WDR17: variants seen among roughly 807,000 people sequenced by gnomAD.
WDR17 encodes WD repeat-containing protein 17.
In WDR17, 143 loss-of-function variants were observed where a neutral mutation model predicts 161.7. The ratio of observed to expected loss-of-function variants is 0.88; its 90% CI spans 0.77 to 1.02. WDR17 has a LOEUF of 1.02. Among genes scored for constraint, WDR17 ranks in the 50% least tolerant of loss-of-function variants. The pLI is 0.00. For synonymous variants in WDR17, 517 were observed against 515.6 expected, an observed-to-expected ratio of 1.00 and a Z score of -0.04; for missense variants, 1,469 against 1,520.9, an observed-to-expected ratio of 0.97 and a Z score of 0.57.
At chr4:176,134,015 T>G (rs78713672) in intron 7 of WDR17, among the ~76,000 whole-genome samples, 1 of 151,714 alleles carries the variant, frequency 6.6e-6, no homozygotes, top group Non-Finnish European at 1.5e-5. Flanking sequence ...TGCATGTAAG[T>G]CCCTGCCTGG....
intron 1 of WDR17, among the ~76,000 whole-genome samples, chr4:176,087,103 T>C (rs1320043941): frequency 6.6e-6 from 1 of 151,984 alleles, no homozygotes; most frequent in East Asian, 1.9e-4. Context: ...TTTTGTATAG[T>C]TAATATTTAT....
intron 16 of WDR17, among the ~76,000 whole-genome samples, chr4:176,150,823 A>G (rs1746994447): frequency 6.6e-6 from 1 of 152,138 alleles, no homozygotes; most frequent in Non-Finnish European, 1.5e-5. Flanking sequence ...CTTCAAGGTC[A>G]CTCGGAACTC....
rs1473902141 is a variant in WDR17, at chr4:176,180,272, G to A, written c.*693G>A. 1.3e-5 allele frequency: 2 copies of A among 151,658 alleles called. No individual in the cohort carries two copies. Among genetic ancestry groups the A allele is most frequent in the African/African-American group, 4.8e-5 (2 of 41,296 alleles). The allele number at this position is 151,658 out of a possible 1,614,324, so 9.4% of individuals were successfully genotyped here. A position where few individuals can be genotyped will look rare whatever the true frequency, so the allele number is the denominator to read the frequency against. Reference sequence around the variant, plus strand: ...TGGCGGGTAAAAATCACAAAATGCAGTCGAATATATATATGAAAACTTGCA... The same window carrying A: ...TGGCGGGTAAAAATCACAAAATGCAATCGAATATATATATGAAAACTTGCA... On this transcript the variant is annotated 3_prime_UTR_variant, in exon 29 of 29. Transcript: ENST00000508596.
At chr4:176,144,409 C>G (rs534035355) in intron 11 of WDR17, among the ~76,000 whole-genome samples, 1 of 152,306 alleles carries the variant, frequency 6.6e-6, no homozygotes, top group African/African-American at 2.4e-5. Flanking sequence ...CACTCAGTTG[C>G]TGACCCTCAC....
At chr4:176,089,701 C>G (rs931049936) in intron 1 of WDR17, among the ~76,000 whole-genome samples, 3 of 152,006 alleles carry the variant, frequency 2.0e-5, no homozygotes, top group Non-Finnish European at 2.9e-5. Context: ...TTTGCATTTC[C>G]TCAAACAGTG....
rs1316525060 is a variant in WDR17, at chr4:176,161,692, A to G, written c.2751-383A>G. Among the ~76,000 whole-genome samples the G allele has an allele frequency of 2.0e-5, 3 of 152,186 alleles. No homozygotes were observed. The East Asian group carries it at 5.8e-4, about 29-fold the overall frequency. ...TACTGCCATTCTCTGCCATTTCTAA[A>G]TTTGACATTTTAAAAAGCTAACACA... is the stretch of plus-strand genomic sequence containing the variant. On this transcript the variant is annotated intron_variant, in intron 20 of 28. Transcript: ENST00000508596.
At chr4:176,111,121 A>C (rs1739660108) in intron 1 of WDR17, 1 of 152,324 alleles carries the variant, frequency 6.6e-6, no homozygotes, top group South Asian at 2.1e-4. Context: ...CAGTGTTTTA[A>C]ATTTAAACGT....
chr4:176,135,084 G>T lies in WDR17; in HGVS notation c.1099-24G>T, dbSNP rs749947587. Reference sequence around the variant, plus strand: ...AATGTGAATTTTCCTCAATAATTATGACTTTTTTATGCCATATTCCTAGGG... The same window carrying T: ...AATGTGAATTTTCCTCAATAATTATTACTTTTTTATGCCATATTCCTAGGG... On this transcript the variant is annotated intron_variant, in intron 7 of 28. Coordinates refer to ENST00000508596, the MANE Select transcript of WDR17 (RefSeq NM_181265.4). 5 of 1,606,744 alleles carry T rather than the reference G, an allele frequency of 3.1e-6. No individual in the cohort carries two copies. In the South Asian group the frequency reaches 4.4e-5, roughly 14 times the overall value.
intron 22 of WDR17, among the ~76,000 whole-genome samples, chr4:176,164,057 G>A (rs1039214979): frequency 2.0e-5 from 3 of 152,142 alleles, no homozygotes; most frequent in African/African-American, 4.8e-5. Flanking sequence ...CCCTGGAGGT[G>A]GAGCTATACA....
intron 4 of WDR17, among the ~76,000 whole-genome samples, chr4:176,120,318 A>G (rs2126721912): frequency 7.2e-6 from 1 of 138,854 alleles, no homozygotes; most frequent in East Asian, 2.1e-4. Flanking sequence ...ATATATATAT[A>G]TAATACATTC....
intron 14 of WDR17, 22 bp from the exon 15 acceptor site, chr4:176,150,021 C>G (rs1161138612): frequency 6.2e-7 from 1 of 1,611,564 alleles, no homozygotes; most frequent in Non-Finnish European, 8.5e-7. Context: ...TCTTTTCTCA[C>G]TGAATTATGT....
intron 1 of WDR17, among the ~76,000 whole-genome samples, chr4:176,071,980 CT>C (rs961931962): frequency 2.6e-5 from 4 of 152,290 alleles, no homozygotes; most frequent in East Asian, 1.9e-4. Context: ...GGAATTCATA[CT>C]GGTATAAGTG....
chr4:176,097,720 T>TAA (rs1406553895), intron 1 of WDR17, among the ~76,000 whole-genome samples: 16 of 129,976 alleles, frequency 1.2e-4, no homozygotes, highest in African/African-American at 3.6e-4. Context: ...AAGCCCCACT[T>TAA]ACACACACAC....
chr4:176,175,538 A>ATTTGTTTG lies in WDR17; in HGVS notation c.3449+848_3449+855dup, dbSNP rs146325115. Among the ~76,000 whole-genome samples, 1,072 of 150,152 alleles carry ATTTGTTTG rather than the reference A, an allele frequency of 7.1e-3. 2 individuals are homozygous for ATTTGTTTG. The highest frequency in any genetic ancestry group is 0.014 in the Middle Eastern group (4 of 294). On this transcript the variant is annotated intron_variant, in intron 26 of 28. Transcript: ENST00000508596. Reference sequence around the variant, plus strand: ...AGGGTCCGTGGTTAAGCAGTCTTTTATTTGTTTGTTTGTTTGTTTGTTTGT... The same window carrying ATTTGTTTG: ...AGGGTCCGTGGTTAAGCAGTCTTTTATTTGTTTGTTTGTTTGTTTGTTTGTTTGTTTGT...
rs1313540515 is a variant in WDR17 at position 176,111,672 on chromosome 4, A to T, written c.92A>T (p.Tyr31Phe). Residue 31 changes from tyrosine to phenylalanine, a missense_variant, in exon 2 of 29, where the codon TAT (tyrosine) becomes TTT (phenylalanine). By Grantham distance (22) the Tyr-to-Phe change is conservative (BLOSUM62 3). Coordinates refer to ENST00000508596, the MANE Select transcript of WDR17 (RefSeq NM_181265.4). ...VCAASGDRFAYCATLAIYIYQ... is the reference protein window; with the variant it reads ...VCAASGDRFAFCATLAIYIYQ... ...GCTGCCAGTGGAGACAGGTTTGCATATTGTGCGACCCTGGCTATCTATATT... is the reference window on the plus strand; with the variant it reads ...GCTGCCAGTGGAGACAGGTTTGCATTTTGTGCGACCCTGGCTATCTATATT... 6.2e-7 allele frequency: 1 copy of T among 1,607,396 alleles called. No homozygotes were observed. Among genetic ancestry groups the T allele is most frequent in the African/African-American group, 1.3e-5 (1 of 74,864 alleles).
At chr4:176,151,738 C>A in intron 16 of WDR17, 74 bp from the exon 17 acceptor site, 1 of 1,303,612 alleles carries the variant, frequency 7.7e-7, no homozygotes, top group Non-Finnish European at 1.0e-6. Context: ...TCAAAATATG[C>A]AACAAATTAT....
At chr4:176,078,810 C>T (rs1022796694) in intron 1 of WDR17, among the ~76,000 whole-genome samples, 1 of 151,892 alleles carries the variant, frequency 6.6e-6, no homozygotes, top group Non-Finnish European at 1.5e-5. Context: ...ATGATACATG[C>T]AATATAGAGT....
At chr4:176,162,533 G>A (rs568508790) in intron 21 of WDR17, among the ~76,000 whole-genome samples, 4 of 152,188 alleles carry the variant, frequency 2.6e-5, no homozygotes, top group South Asian at 4.1e-4. Context: ...CTTTGGGCAC[G>A]TCATTTAACC....
At chr4:176,128,972 A>T (rs1431014924) in intron 6 of WDR17, 112 bp downstream of exon 6, 6 of 975,732 alleles carry the variant, frequency 6.1e-6, no homozygotes, top group Admixed American at 3.9e-5. Context: ...AGCAATTTTT[A>T]AAAAAGGCTT....
Sources: allele counts gnomAD v4.1 joint callset (sites outside exome capture counted in the v4.1 genomes callset), GRCh38; gene constraint gnomAD v4.1.1; transcripts MANE v1.5; gene names NCBI Gene and HGNC (gene_info 2026-07-23, HGNC 2026-07-21).